MIR2052HG: variants seen among roughly 807,000 people sequenced by gnomAD.
The protein encoded by MIR2052HG is MIR2052 host gene.
intron 2 of MIR2052HG, among the ~76,000 whole-genome samples, chr8:74,669,393 C>G (rs75844478): frequency 0.017 from 2,621 of 152,278 alleles, 36 homozygotes; most frequent in African/African-American, 0.034. Context: ...AATCCGTTCT[C>G]ACCTGGCATA....
At chr8:74,612,615 A>G (rs1174649719) in intron 1 of MIR2052HG, 2 of 290,090 alleles carry the variant, frequency 6.9e-6, no homozygotes, top group African/African-American at 4.4e-5. Flanking sequence ...TTGGCTAGCC[A>G]TAGAAGAAAA....
At chr8:74,682,204 T>C (rs1809133082) in intron 2 of MIR2052HG, among the ~76,000 whole-genome samples, 1 of 152,124 alleles carries the variant, frequency 6.6e-6, no homozygotes, top group Non-Finnish European at 1.5e-5. Flanking sequence ...TTAAAGTATT[T>C]AGAGGATAGT....
At chr8:74,737,635 G>T (rs1004733197) in intron 4 of MIR2052HG, among the ~76,000 whole-genome samples, 2 of 152,010 alleles carry the variant, frequency 1.3e-5, no homozygotes, top group African/African-American at 2.4e-5. Context: ...GATCATTCAG[G>T]GCTCAAATTC....
chr8:74,666,908 G>A (rs1396443201), intron 2 of MIR2052HG, among the ~76,000 whole-genome samples: 1 of 152,160 alleles, frequency 6.6e-6, no homozygotes, highest in Non-Finnish European at 1.5e-5. Context: ...GCTGTAATCA[G>A]TTGGAGTTTG....
At chr8:74,614,026 C>T (rs936749949) in intron 2 of MIR2052HG, among the ~76,000 whole-genome samples, 9 of 152,260 alleles carry the variant, frequency 5.9e-5, no homozygotes, top group African/African-American at 1.7e-4. Context: ...TCCTAATAAA[C>T]GATTTCACAT....
At chr8:74,687,035 A>C (rs1809188212) in intron 2 of MIR2052HG, among the ~76,000 whole-genome samples, 2 of 152,190 alleles carry the variant, frequency 1.3e-5, no homozygotes. Context: ...TTTTAAAAAG[A>C]AGAACTTGAG....
Position 74,642,319 on chromosome 8 carries a change from G to A in MIR2052HG, n.216+29379G>A, listed in dbSNP as rs574880880. On this transcript the variant is annotated intron_variant and non_coding_transcript_variant, in intron 2 of 6. Transcript: ENST00000523442. ...ATTTTTAAGTTCTGAAGAACTTTAG[G>A]AAGATTATAGGAAGCTTGCTTTATA... 2.6e-5 allele frequency among the ~76,000 whole-genome samples: 4 copies of A among 152,184 alleles called. No individual in the cohort carries two copies. In the South Asian group the frequency reaches 6.2e-4, roughly 24 times the overall value.
At chr8:74,711,672 G>T (rs1809469600) in intron 4 of MIR2052HG, among the ~76,000 whole-genome samples, 1 of 152,082 alleles carries the variant, frequency 6.6e-6, no homozygotes, top group Non-Finnish European at 1.5e-5. Context: ...CATGGGATTT[G>T]CTTTATTCCA....
intron 4 of MIR2052HG, among the ~76,000 whole-genome samples, chr8:74,733,138 AG>A (rs1340971174): frequency 3.9e-5 from 6 of 152,060 alleles, no homozygotes; most frequent in Admixed American, 3.3e-4. Flanking sequence ...TGTGCAGGTT[AG>A]TTACATATGT....
intron 1 of MIR2052HG, among the ~76,000 whole-genome samples, chr8:74,605,315 T>C (rs544976896): frequency 6.6e-6 from 1 of 152,312 alleles, no homozygotes; most frequent in Admixed American, 6.5e-5. Context: ...GTAATCTGAC[T>C]CAAAAGCTTC....
intron 2 of MIR2052HG, among the ~76,000 whole-genome samples, chr8:74,614,119 A>T (rs1265171628): frequency 6.6e-6 from 1 of 152,172 alleles, no homozygotes; most frequent in African/African-American, 2.4e-5. Flanking sequence ...CTAACATTTT[A>T]AATTATTTCT....
At chr8:74,648,605 AC>A (rs1173777600) in intron 2 of MIR2052HG, among the ~76,000 whole-genome samples, 8 of 152,034 alleles carry the variant, frequency 5.3e-5, no homozygotes, top group Admixed American at 5.2e-4. Flanking sequence ...ATGTGATGAC[AC>A]CCCCGGAGGC....
At chr8:74,616,895 G>T (rs1334825892) in intron 2 of MIR2052HG, among the ~76,000 whole-genome samples, 1 of 151,846 alleles carries the variant, frequency 6.6e-6, no homozygotes, top group African/African-American at 2.4e-5. Context: ...TTTAGCAAAT[G>T]TTTCTGAGGA....
chr8:74,749,622 G>A (rs1024434100), intron 4 of MIR2052HG, among the ~76,000 whole-genome samples: 2 of 152,062 alleles, frequency 1.3e-5, no homozygotes, highest in African/African-American at 4.8e-5. Flanking sequence ...AGGCTGAGGT[G>A]GGTGGATCTT....
intron 2 of MIR2052HG, among the ~76,000 whole-genome samples, chr8:74,671,943 T>C (rs1458831855): frequency 6.6e-6 from 1 of 152,116 alleles, no homozygotes; most frequent in Non-Finnish European, 1.5e-5. Flanking sequence ...AAATGATCTC[T>C]TTCAAGATGA....
intron 2 of MIR2052HG, among the ~76,000 whole-genome samples, chr8:74,663,215 CTT>C (rs1808885779): frequency 6.6e-6 from 1 of 151,968 alleles, no homozygotes; most frequent in Non-Finnish European, 1.5e-5. Flanking sequence ...ATTACACTGA[CTT>C]TTTTTGCCCA....
chr8:74,693,460 T>A (rs1809260327), intron 2 of MIR2052HG, among the ~76,000 whole-genome samples: 2 of 151,926 alleles, frequency 1.3e-5, no homozygotes, highest in South Asian at 4.2e-4. Flanking sequence ...AGTGCAGATA[T>A]GAGCACAGAA....
chr8:74,644,704 A>C (rs1808673600), intron 2 of MIR2052HG, among the ~76,000 whole-genome samples: 1 of 151,920 alleles, frequency 6.6e-6, no homozygotes. Flanking sequence ...CAGCCTGGGA[A>C]ACATGGCAAA....
intron 2 of MIR2052HG, among the ~76,000 whole-genome samples, chr8:74,635,229 C>G (rs1316340975): frequency 6.6e-6 from 1 of 151,038 alleles, no homozygotes; most frequent in African/African-American, 2.4e-5. Context: ...GTACAGAAAG[C>G]ACAAAAACAG....
Sources: allele counts gnomAD v4.1 joint callset (sites outside exome capture counted in the v4.1 genomes callset), GRCh38; gene constraint gnomAD v4.1.1; transcripts MANE v1.5; gene names NCBI Gene and HGNC (gene_info 2026-07-23, HGNC 2026-07-21).